NUBPL: variants seen among roughly 807,000 people sequenced by gnomAD.
The protein encoded by NUBPL is iron-sulfur cluster transfer protein NUBPL.
NUBPL carries 31 observed loss-of-function variants against 45.7 expected under a neutral mutation model. The ratio of observed to expected loss-of-function variants is 0.68; its 90% CI spans 0.51 to 0.92. The LOEUF (loss-of-function observed/expected upper bound fraction) is 0.92, where lower values mean the gene tolerates loss of function less well. NUBPL is among the 40% of genes least tolerant of loss of function. The pLI, the probability that NUBPL is intolerant of heterozygous loss-of-function variation, is 0.00. For synonymous variants in NUBPL, 144 were observed against 140.9 expected, an observed-to-expected ratio of 1.02 and a Z score of -0.15; for missense variants, 401 against 398.7, an observed-to-expected ratio of 1.01 and a Z score of -0.05.
intron 4 of NUBPL, among the ~76,000 whole-genome samples, chr14:31,630,193 G>A (rs1432112583): frequency 6.6e-6 from 1 of 152,138 alleles, no homozygotes; most frequent in Non-Finnish European, 1.5e-5. Flanking sequence ...AGGTATTGTG[G>A]TTATCATGGA....
At chr14:31,623,737 T>G (rs2035130951) in intron 4 of NUBPL, among the ~76,000 whole-genome samples, 1 of 152,146 alleles carries the variant, frequency 6.6e-6, no homozygotes. Flanking sequence ...TTCTTTATAG[T>G]AGTATGAAAA....
At chr14:31,855,486 C>G (rs2040601789) in intron 10 of NUBPL, among the ~76,000 whole-genome samples, 1 of 152,132 alleles carries the variant, frequency 6.6e-6, no homozygotes, top group South Asian at 2.1e-4. Flanking sequence ...TGACCTTGAG[C>G]AAATAACTCC....
intron 10 of NUBPL, among the ~76,000 whole-genome samples, chr14:31,854,670 G>C (rs115080223): frequency 1.0e-3 from 158 of 152,204 alleles, no homozygotes; most frequent in African/African-American, 3.6e-3. Flanking sequence ...AGCCTAGAAG[G>C]GTTGAGTAAC....
At chr14:31,714,298 C>T (rs1363926567) in intron 6 of NUBPL, among the ~76,000 whole-genome samples, 1 of 151,922 alleles carries the variant, frequency 6.6e-6, no homozygotes, top group African/African-American at 2.4e-5. Context: ...AAGCCTTGGC[C>T]TTTGATGATA....
chr14:31,780,054 A>G lies in NUBPL; in HGVS notation c.514-7726A>G, dbSNP rs538158499. Among the ~76,000 whole-genome samples the G allele has an allele frequency of 6.6e-5, 10 of 151,578 alleles. No individual in the cohort carries two copies. The South Asian group carries it at 2.1e-3, about 32-fold the overall frequency. ...TTCCCATTGCATCTTGCTTATAAAG[A>G]GAGAGCACATTTTTTTTTTTTTCCC... On this transcript the variant is annotated intron_variant, in intron 6 of 10. Transcript: ENST00000281081.
Position 31,825,356 on chromosome 14 carries a change from C to T in NUBPL, c.608-1273C>T, listed in dbSNP as rs144366327. Among the ~76,000 whole-genome samples the T allele has an allele frequency of 3.4e-3, 513 of 152,284 alleles. 4 individuals carry two copies. Among genetic ancestry groups the T allele is most frequent in the African/African-American group, 0.012 (483 of 41,546 alleles). On this transcript the variant is annotated intron_variant, in intron 7 of 10. Transcript: ENST00000281081. ...TTTTCTTCCTATTTCTTCTTTATAACTCCATAACACCCTGTGCACACCTCT... is the reference window on the plus strand; with the variant it reads ...TTTTCTTCCTATTTCTTCTTTATAATTCCATAACACCCTGTGCACACCTCT...
At chr14:31,846,991 A>G (rs1172581881) in intron 9 of NUBPL, among the ~76,000 whole-genome samples, 1 of 152,082 alleles carries the variant, frequency 6.6e-6, no homozygotes, top group Non-Finnish European at 1.5e-5. Context: ...TGTCTCTGAA[A>G]ATGATGAGTT....
chr14:31,642,631 C>A (rs1011888328), intron 4 of NUBPL, among the ~76,000 whole-genome samples: 1 of 152,066 alleles, frequency 6.6e-6, no homozygotes, highest in Non-Finnish European at 1.5e-5. Flanking sequence ...ATGCATCCAT[C>A]TTTGTTCTTT....
At chr14:31,735,108 G>A (rs757799649) in intron 6 of NUBPL, among the ~76,000 whole-genome samples, 7 of 152,066 alleles carry the variant, frequency 4.6e-5, no homozygotes, top group Non-Finnish European at 1.0e-4. Flanking sequence ...AGCCTTACTT[G>A]TGACAATTAA....
intron 6 of NUBPL, among the ~76,000 whole-genome samples, chr14:31,772,321 T>G (rs769469891): frequency 5.3e-5 from 8 of 152,198 alleles, no homozygotes; most frequent in Non-Finnish European, 1.0e-4. Flanking sequence ...TAAAATATCT[T>G]GATTCTTAAG....
At chr14:31,665,925 G>T (rs2036398530) in intron 4 of NUBPL, among the ~76,000 whole-genome samples, 1 of 151,896 alleles carries the variant, frequency 6.6e-6, no homozygotes, top group Non-Finnish European at 1.5e-5. Flanking sequence ...TGTATTGGGT[G>T]CATATATATT....
intron 7 of NUBPL, among the ~76,000 whole-genome samples, chr14:31,806,160 C>G (rs1215968883): frequency 6.6e-6 from 1 of 152,176 alleles, no homozygotes; most frequent in Non-Finnish European, 1.5e-5. Context: ...AGAATGCCTT[C>G]ACATCTTAAG....
intron 4 of NUBPL, chr14:31,661,928 A>G (rs2036279141): frequency 6.6e-6 from 1 of 152,230 alleles, no homozygotes; most frequent in African/African-American, 2.4e-5. Context: ...TAACTATTTT[A>G]GTTGCCTCAA....
intron 7 of NUBPL, among the ~76,000 whole-genome samples, chr14:31,788,553 C>T (rs552987017): frequency 7.2e-5 from 11 of 152,122 alleles, no homozygotes; most frequent in Non-Finnish European, 1.6e-4. Flanking sequence ...TGCTCCTTAC[C>T]GCCACCCCAG....
chr14:31,793,623 G>A (rs1280437519), intron 7 of NUBPL, among the ~76,000 whole-genome samples: 1 of 152,084 alleles, frequency 6.6e-6, no homozygotes, highest in Non-Finnish European at 1.5e-5. Flanking sequence ...TTGAATCAAT[G>A]AATGAGTGTT....
chr14:31,761,635 G>A (rs908230572), intron 6 of NUBPL, among the ~76,000 whole-genome samples: 3 of 152,032 alleles, frequency 2.0e-5, no homozygotes, highest in Non-Finnish European at 2.9e-5. Flanking sequence ...TTAGCAACCT[G>A]CCTTTTTTCA....
intron 10 of NUBPL, among the ~76,000 whole-genome samples, chr14:31,851,597 T>C (rs2040539529): frequency 6.6e-6 from 1 of 152,198 alleles, no homozygotes; most frequent in Non-Finnish European, 1.5e-5. Flanking sequence ...GTATTAAATG[T>C]TAAATTTCCT....
In NUBPL at chr14:31,636,945, A is replaced by T. The variant is rs1357787399; in HGVS notation, c.383-36410A>T. Among the ~76,000 whole-genome samples the T allele has an allele frequency of 2.6e-5, 4 of 152,216 alleles. No individual in the cohort carries two copies. In the East Asian group the frequency reaches 7.7e-4, roughly 29 times the overall value. On this transcript the variant is annotated intron_variant, in intron 4 of 10. Transcript: ENST00000281081. ...TGGGATCAGTGGTGATATCCCATTT[A>T]TCATTTTTTATTGTGTCTATTTGAT...
chr14:31,814,833 G>T (rs1023804576), intron 7 of NUBPL, among the ~76,000 whole-genome samples: 4 of 152,168 alleles, frequency 2.6e-5, no homozygotes, highest in African/African-American at 9.7e-5. Flanking sequence ...GTTTGTTAAA[G>T]ATCAGATGGT....
Sources: allele counts gnomAD v4.1 joint callset (sites outside exome capture counted in the v4.1 genomes callset), GRCh38; gene constraint gnomAD v4.1.1; transcripts MANE v1.5; gene names NCBI Gene and HGNC (gene_info 2026-07-23, HGNC 2026-07-21).